FMN1: variants seen among roughly 807,000 people sequenced by gnomAD.
The protein encoded by FMN1 is formin-1.
Under a neutral mutation model 132.4 loss-of-function variants are expected in FMN1, and 110 were observed. That is an observed-to-expected ratio of 0.83 (90% CI 0.71 to 0.97). The LOEUF is 0.97. Ranked by LOEUF, FMN1 falls within the 50% of genes least tolerant of loss-of-function variation. The probability of loss-of-function intolerance (pLI) is 0.00; values close to 1 mark genes in which losing one functional copy is unlikely to be tolerated. For missense variants in FMN1, 1,792 were observed against 1,705.3 expected (o/e 1.05, Z -0.90); for synonymous variants, 722 against 651.7 (o/e 1.11, Z -1.64).
intron 6 of FMN1, among the ~76,000 whole-genome samples, chr15:33,022,696 T>C (rs2035470962): frequency 6.6e-6 from 1 of 152,182 alleles, no homozygotes; most frequent in African/African-American, 2.4e-5. Context: ...TGGCCTGCTG[T>C]GCCCCAGTTC....
At position 32,790,169 on chromosome 15, in the gene FMN1, C is replaced by A. The variant is rs183619410; in HGVS notation, c.4130+8635G>T. Among the ~76,000 whole-genome samples the A allele has an allele frequency of 1.3e-3, 194 of 152,310 alleles. 1 individual carries two copies. The highest frequency in any genetic ancestry group is 0.01 in the Middle Eastern group (3 of 294). On this transcript the variant is annotated intron_variant, in intron 19 of 20. Coordinates refer to ENST00000616417, the MANE Select transcript of FMN1 (RefSeq NM_001277313.2). ...CAGAAAAGAAGGCAGTTAGGCTGAT[C>A]CCAGGAATAACACTGCATGATTCCT...
intron 17 of FMN1, among the ~76,000 whole-genome samples, chr15:32,817,226 G>A (rs771110875): frequency 1.3e-5 from 2 of 152,140 alleles, no homozygotes; most frequent in African/African-American, 2.4e-5. Context: ...CTACCAGAAC[G>A]TCCTGTAAAT....
Position 33,088,984 on chromosome 15 carries a change from C to T in FMN1, c.1868-10G>A, listed in dbSNP as rs2141360287. 1.3e-6 allele frequency: 2 copies of T among 1,526,908 alleles called. No individual in the cohort carries two copies. The highest frequency in any genetic ancestry group is 1.7e-6 in the Non-Finnish European group (2 of 1,143,848). 94.6% of individuals were successfully genotyped at this position (1,526,908 alleles called of 1,614,324 possible). On this transcript the variant is annotated splice_polypyrimidine_tract_variant and intron_variant, in intron 4 of 20. Transcript: ENST00000616417. ...CCCTCAGAGGAGATACCTAAACAAA[C>T]ACAGAGAAGGCCATCAGTGACATGG... is the stretch of plus-strand genomic sequence containing the variant.
chr15:33,010,864 A>G (rs1285006050), intron 6 of FMN1, among the ~76,000 whole-genome samples: 2 of 151,988 alleles, frequency 1.3e-5, no homozygotes, highest in Non-Finnish European at 2.9e-5. Flanking sequence ...AAGACCTCAT[A>G]TAAGAAAATA....
chr15:32,996,097 T>C (rs994730878), intron 7 of FMN1, among the ~76,000 whole-genome samples: 4 of 152,232 alleles, frequency 2.6e-5, no homozygotes, highest in Admixed American at 6.5e-5. Context: ...ATAGTTATGA[T>C]AGATAGGTCA....
At chr15:32,880,208 C>T (rs949316415) in intron 16 of FMN1, among the ~76,000 whole-genome samples, 23 of 152,168 alleles carry the variant, frequency 1.5e-4, no homozygotes, top group Non-Finnish European at 2.8e-4. Context: ...GCAAAAACAA[C>T]TCGCAGTCCC....
rs140144773 is a variant in FMN1, at chr15:33,042,417, G to A, written c.2161+22540C>T. Among the ~76,000 whole-genome samples, 1,462 of 152,164 alleles carry A rather than the reference G, an allele frequency of 9.6e-3. 25 individuals are homozygous for A. Among genetic ancestry groups the A allele is most frequent in the African/African-American group, 0.032 (1,324 of 41,494 alleles). The stretch of plus-strand genomic sequence containing the variant: ...AAAGCTCATATACAAGAGTGTAAGT[G>A]CCTAAGCATCCAAACAAAATTTAGA... On this transcript the variant is annotated intron_variant, in intron 6 of 20. Coordinates refer to ENST00000616417, the MANE Select transcript of FMN1 (RefSeq NM_001277313.2).
intron 6 of FMN1, among the ~76,000 whole-genome samples, chr15:33,011,597 A>T (rs2034726745): frequency 6.6e-6 from 1 of 152,290 alleles, no homozygotes; most frequent in Middle Eastern, 3.4e-3. Context: ...TAAAATTAAG[A>T]ACTTATTTTT....
At chr15:33,183,774 T>A (rs1965784402) in intron 2 of FMN1, among the ~76,000 whole-genome samples, 1 of 152,130 alleles carries the variant, frequency 6.6e-6, no homozygotes, top group Non-Finnish European at 1.5e-5. Flanking sequence ...CAAAATGGAA[T>A]GTTATAACCT....
intron 4 of FMN1, among the ~76,000 whole-genome samples, chr15:33,109,930 T>C (rs1238346876): frequency 1.3e-5 from 2 of 151,786 alleles, no homozygotes; most frequent in Admixed American, 6.6e-5. Context: ...ACAGTGCCCA[T>C]GGATGTTTAA....
intron 4 of FMN1, among the ~76,000 whole-genome samples, chr15:33,115,775 A>G (rs746384939): frequency 6.6e-6 from 1 of 152,042 alleles, no homozygotes; most frequent in Non-Finnish European, 1.5e-5. Context: ...CCAGACTTTC[A>G]GTTACCACTT....
chr15:32,792,817 G>T lies in FMN1; in HGVS notation c.4130+5987C>A, dbSNP rs1595923153. 2.0e-5 allele frequency among the ~76,000 whole-genome samples: 3 copies of T among 152,274 alleles called. No homozygotes were observed. In the South Asian group the frequency reaches 6.2e-4, roughly 32 times the overall value. The stretch of plus-strand genomic sequence containing the variant: ...AATGGTAGCAGTAGACCTGACGTGT[G>T]CCCCCTTACACGTTGGGAATAAGGA... On this transcript the variant is annotated intron_variant, in intron 19 of 20. Transcript: ENST00000616417.
intron 10 of FMN1, among the ~76,000 whole-genome samples, chr15:32,918,251 A>T (rs2060732484): frequency 6.6e-6 from 1 of 152,182 alleles, no homozygotes; most frequent in Non-Finnish European, 1.5e-5. Flanking sequence ...ACTAACAAGG[A>T]AAACTAAGGC....
At chr15:32,921,312 A>G (rs1244125644) in intron 10 of FMN1, among the ~76,000 whole-genome samples, 1 of 152,224 alleles carries the variant, frequency 6.6e-6, no homozygotes, top group East Asian at 1.9e-4. Flanking sequence ...ATGCAATGAC[A>G]AAGAGTAAGA....
intron 6 of FMN1, among the ~76,000 whole-genome samples, chr15:33,038,518 G>A (rs2036285136): frequency 6.6e-6 from 1 of 152,134 alleles, no homozygotes; most frequent in Admixed American, 6.5e-5. Context: ...TAGTAAATAA[G>A]TTGTTAAAAT....
At chr15:32,810,048 T>C (rs1038493257) in intron 17 of FMN1, among the ~76,000 whole-genome samples, 1 of 152,034 alleles carries the variant, frequency 6.6e-6, no homozygotes, top group Non-Finnish European at 1.5e-5. Flanking sequence ...GCCTCCCAAG[T>C]AGCTGGGATT....
At chr15:32,921,266 G>A (rs546158244) in intron 10 of FMN1, among the ~76,000 whole-genome samples, 1 of 152,276 alleles carries the variant, frequency 6.6e-6, no homozygotes, top group South Asian at 2.1e-4. Flanking sequence ...CAAACAGAGG[G>A]AGCGTGCAGA....
chr15:32,906,436 T>C (rs1354068783), intron 12 of FMN1, among the ~76,000 whole-genome samples: 1 of 152,254 alleles, frequency 6.6e-6, no homozygotes, highest in Non-Finnish European at 1.5e-5. Flanking sequence ...TTTGTTTATA[T>C]ACTGCCTGTG....
Position 32,818,375 on chromosome 15 carries a change from A to G in FMN1, c.3929-14043T>C, listed in dbSNP as rs116002514. ...CAAACAAAACATTTTCTAGAAACTCATGAAAGCATTTCAGAATAATTTTTT... is the reference window on the plus strand; with the variant it reads ...CAAACAAAACATTTTCTAGAAACTCGTGAAAGCATTTCAGAATAATTTTTT... On this transcript the variant is annotated intron_variant, in intron 17 of 20. Transcript: ENST00000616417. Among the ~76,000 whole-genome samples the G allele has an allele frequency of 9.9e-3, 1,509 of 152,304 alleles. 15 individuals are homozygous for G. Among genetic ancestry groups the G allele is most frequent in the African/African-American group, 0.031 (1,281 of 41,580 alleles).
Sources: gnomAD v4.1 joint callset for allele counts (sites outside exome capture counted in the v4.1 genomes callset) on GRCh38, gnomAD v4.1.1 for gene constraint, MANE v1.5 for transcripts, NCBI Gene and HGNC (gene_info 2026-07-23, HGNC 2026-07-21) for gene names.